The following GAS2L3 variants were observed in gnomAD, a reference collection of about 807,000 sequenced individuals.
GAS2L3 encodes the protein growth arrest specific 2 like 3.
In GAS2L3, 28 loss-of-function variants were observed where a neutral mutation model predicts 37.0. The ratio of observed to expected loss-of-function variants is 0.76; its 90% CI spans 0.56 to 1.04. The LOEUF is 1.04. GAS2L3 is among the 50% of genes least tolerant of loss of function. GAS2L3 has a pLI of 0.00. For missense variants in GAS2L3, 793 were observed against 817.6 expected (o/e 0.97, Z 0.37); for synonymous variants, 290 against 296.6 (o/e 0.98, Z 0.23).
In GAS2L3 at chr12:100,600,507, G is replaced by T. The variant is rs566405841; in HGVS notation, c.144G>T (p.Leu48Phe). Residue 48 changes from leucine to phenylalanine, a missense_variant, in exon 4 of 10, where the codon TTG becomes TTT. Coordinates refer to ENST00000547754, the MANE Select transcript of GAS2L3 (RefSeq NM_174942.3). ...CTGTGAGGCATGAAGCCACTTTGTT[G>T]CCCATGCAAGAAGATCTGTCAATCT... ...WIAVRHEATL[L>F]PMQEDLSIWL... 1.9e-6 allele frequency: 3 copies of T among 1,613,742 alleles called. No homozygotes were observed. Among genetic ancestry groups the T allele is most frequent in the East Asian group, 2.2e-5 (1 of 44,860 alleles).
chr12:100,575,713 C>A (rs1955628356), intron 1 of GAS2L3, among the ~76,000 whole-genome samples: 1 of 151,890 alleles, frequency 6.6e-6, no homozygotes, highest in Admixed American at 6.6e-5. Context: ...CTCTTGACGT[C>A]GTGTTCCGCC....
intron 1 of GAS2L3, among the ~76,000 whole-genome samples, chr12:100,586,705 C>G (rs1393742228): frequency 6.6e-6 from 1 of 151,988 alleles, no homozygotes; most frequent in African/African-American, 2.4e-5. Context: ...AAACCCAAAC[C>G]CAGCAGAAGG....
At chr12:100,617,882 T>A in intron 7 of GAS2L3, 75 bp downstream of exon 7, 1 of 809,964 alleles carries the variant, frequency 1.2e-6, no homozygotes, top group Non-Finnish European at 2.0e-6. Flanking sequence ...TTTAGAACAC[T>A]ATTTTCTATA....
chr12:100,617,629 C>A, intron 6 of GAS2L3, 115 bp from the exon 7 acceptor site: 1 of 666,690 alleles, frequency 1.5e-6, no homozygotes, highest in Admixed American at 3.0e-5. Context: ...TTTTTCTAAA[C>A]AAGTAAACCT....
At chr12:100,595,088 G>T (rs774375283) in intron 3 of GAS2L3, among the ~76,000 whole-genome samples, 166 bp downstream of exon 3, 1 of 151,596 alleles carries the variant, frequency 6.6e-6, no homozygotes, top group Non-Finnish European at 1.5e-5. Context: ...TCTCAAAAAC[G>T]TTCAATTCTA....
At chr12:100,602,953 T>TCCA (rs1227808894) in intron 5 of GAS2L3, among the ~76,000 whole-genome samples, 1 of 152,176 alleles carries the variant, frequency 6.6e-6, no homozygotes, top group Non-Finnish European at 1.5e-5. Context: ...GTTCCATCCA[T>TCCA]GTTGTTGCAA....
intron 6 of GAS2L3, among the ~76,000 whole-genome samples, chr12:100,616,014 G>A (rs1216543188): frequency 6.6e-6 from 1 of 150,684 alleles, no homozygotes; most frequent in African/African-American, 2.4e-5. Flanking sequence ...TTCCATTTCT[G>A]GAAAAAAAAA....
At chr12:100,611,905 G>A (rs1956131172) in intron 5 of GAS2L3, 95 bp from the exon 6 acceptor site, 2 of 811,922 alleles carry the variant, frequency 2.5e-6, no homozygotes, top group Admixed American at 2.2e-5. Context: ...TTGGTTACAG[G>A]TGATGGATTG....
chr12:100,612,738 TACAC>T (rs369041278), intron 6 of GAS2L3, among the ~76,000 whole-genome samples: 1 of 152,120 alleles, frequency 6.6e-6, no homozygotes, highest in South Asian at 2.1e-4. Flanking sequence ...TATGTGTACA[TACAC>T]ACACACACCC....
At chr12:100,575,769 C>T (rs368224793) in intron 1 of GAS2L3, among the ~76,000 whole-genome samples, 1 of 152,038 alleles carries the variant, frequency 6.6e-6, no homozygotes, top group African/African-American at 2.4e-5. Flanking sequence ...TGAGTCACCG[C>T]GCCTGGCCGT....
intron 2 of GAS2L3, chr12:100,593,538 T>G (rs932196513): frequency 2.0e-5 from 3 of 152,144 alleles, no homozygotes; most frequent in Admixed American, 1.3e-4. Context: ...GTCACTGTTC[T>G]TGATTTGCAC....
chr12:100,619,253 G>C (rs1434851778), intron 8 of GAS2L3, among the ~76,000 whole-genome samples: 1 of 151,760 alleles, frequency 6.6e-6, no homozygotes. Context: ...TTAGATGATA[G>C]GTTACAACTG....
chr12:100,624,916 A>T lies in GAS2L3; in HGVS notation c.*26A>T, dbSNP rs775646277. On this transcript the variant is annotated 3_prime_UTR_variant, in exon 10 of 10. Coordinates refer to ENST00000547754, the MANE Select transcript of GAS2L3 (RefSeq NM_174942.3). ...ATACATACTCATTATAAAAAAAGAG[A>T]AAAGGAAGAATGAATGTGTTAGCTT... The T allele has an allele frequency of 1.3e-6, 2 of 1,485,280 alleles. No individual in the cohort carries two copies. Among genetic ancestry groups the T allele is most frequent in the South Asian group, 2.5e-5 (2 of 78,872 alleles). The allele number at this position is 1,485,280 out of a possible 1,614,324, so 92.0% of individuals were successfully genotyped here.
At chr12:100,593,610 G>T (rs1242838439) in intron 2 of GAS2L3, 2 of 152,050 alleles carry the variant, frequency 1.3e-5, no homozygotes, top group African/African-American at 4.8e-5. Context: ...TAAAGCTCTT[G>T]TCTGATTATG....
At chr12:100,599,534 A>G in intron 3 of GAS2L3, among the ~76,000 whole-genome samples, 1 of 152,192 alleles carries the variant, frequency 6.6e-6, no homozygotes, top group East Asian at 1.9e-4. Context: ...GTGAGACAAG[A>G]TTTGCCCCAT....
Position 100,625,819 on chromosome 12 carries a change from AT to A in GAS2L3, c.*933del, listed in dbSNP as rs1565817773. 3 of 152,342 alleles carry A rather than the reference AT, an allele frequency of 2.0e-5. No homozygotes were observed. In the East Asian group the frequency reaches 5.8e-4, roughly 29 times the overall value. The allele number at this position is 152,342 out of a possible 1,614,324, so 9.4% of individuals were successfully genotyped here. Reference sequence around the variant, plus strand: ...TTAAAATTAAGATGATGTTAAAATAATTTTAGAGTTATGCTATGTAAAAATT... The same window carrying A: ...TTAAAATTAAGATGATGTTAAAATAATTTAGAGTTATGCTATGTAAAAATT... On this transcript the variant is annotated 3_prime_UTR_variant, in exon 10 of 10. Coordinates refer to ENST00000547754, the MANE Select transcript of GAS2L3 (RefSeq NM_174942.3).
At chr12:100,579,086 T>C in intron 1 of GAS2L3, 2 of 733,554 alleles carry the variant, frequency 2.7e-6, no homozygotes, top group East Asian at 5.2e-5. Flanking sequence ...ATTGCTCAAG[T>C]ACATATTTGT....
Position 100,579,585 on chromosome 12 carries a change from G to T in GAS2L3, c.-152+5800G>T, listed in dbSNP as rs1955683487. 3.9e-6 allele frequency: 3 copies of T among 773,464 alleles called. No homozygotes were observed. In the East Asian group the frequency reaches 7.3e-5, roughly 19 times the overall value. 47.9% of individuals were successfully genotyped at this position (773,464 alleles called of 1,614,324 possible). A position where few individuals can be genotyped will look rare whatever the true frequency, so the allele number is the denominator to read the frequency against. On this transcript the variant is annotated intron_variant, in intron 1 of 9. Coordinates refer to ENST00000547754, the MANE Select transcript of GAS2L3 (RefSeq NM_174942.3). ...AGTTCCGGAAAGATACCAGTTGCATGACAGGGTGCATCTTTTGGGAGCTTT... is the reference window on the plus strand; with the variant it reads ...AGTTCCGGAAAGATACCAGTTGCATTACAGGGTGCATCTTTTGGGAGCTTT...
chr12:100,605,820 T>C (rs1295613894), intron 5 of GAS2L3, among the ~76,000 whole-genome samples: 1 of 151,990 alleles, frequency 6.6e-6, no homozygotes, highest in African/African-American at 2.4e-5. Context: ...ACTCTTGTTA[T>C]GGATTTCTAG....
Sources: gnomAD v4.1 joint callset for allele counts (sites outside exome capture counted in the v4.1 genomes callset) on GRCh38, gnomAD v4.1.1 for gene constraint, MANE v1.5 for transcripts, NCBI Gene and HGNC (gene_info 2026-07-23, HGNC 2026-07-21) for gene names.